BRF1: variants seen among roughly 807,000 people sequenced by gnomAD.
BRF1 encodes BRF1 general transcription factor IIIB subunit.
In BRF1, 59 loss-of-function variants were observed where a neutral mutation model predicts 81.7. That is an observed-to-expected ratio of 0.72 (90% CI 0.59 to 0.90). The LOEUF (loss-of-function observed/expected upper bound fraction) is 0.90, where lower values mean the gene tolerates loss of function less well. Among genes scored for constraint, BRF1 ranks in the 40% least tolerant of loss-of-function variants. BRF1 has a pLI of 0.00. For synonymous variants in BRF1, 491 were observed against 395.6 expected, an observed-to-expected ratio of 1.24 and a Z score of -2.86; for missense variants, 1,050 against 936.3, an observed-to-expected ratio of 1.12 and a Z score of -1.58.
At position 105,209,903 on chromosome 14, in the gene BRF1, C is replaced by A. The variant is rs1466989622; in HGVS notation, c.*648G>T. ...CCCATGCTGCTCCAGGCGGTGCAGG[C>A]AGCGGGGAGGGGGGTCTGGAGGAGG... is the stretch of plus-strand genomic sequence containing the variant. On this transcript the variant is annotated 3_prime_UTR_variant, in exon 18 of 18. Coordinates refer to ENST00000547530, the MANE Select transcript of BRF1 (RefSeq NM_001519.4). The A allele has an allele frequency of 2.6e-6, 1 of 384,716 alleles. No individual in the cohort carries two copies. Among genetic ancestry groups the A allele is most frequent in the East Asian group, 3.9e-5 (1 of 25,356 alleles). The allele number at this position is 384,716 out of a possible 1,614,324, so 23.8% of individuals were successfully genotyped here.
intron 1 of BRF1, among the ~76,000 whole-genome samples, chr14:105,293,387 A>G (rs111867741): frequency 1.3e-5 from 2 of 152,210 alleles, no homozygotes; most frequent in African/African-American, 4.8e-5. Flanking sequence ...CTGTGAAGCC[A>G]CTGAAAGTTG....
At chr14:105,313,214 G>A (rs116735128) in intron 1 of BRF1, among the ~76,000 whole-genome samples, 2,068 of 152,316 alleles carry the variant, frequency 0.014, 50 homozygotes, top group African/African-American at 0.047. Context: ...GCAACTGCAC[G>A]CTCGCCAGGT....
intron 5 of BRF1, among the ~76,000 whole-genome samples, chr14:105,246,325 T>C (rs1404675353): frequency 2.0e-5 from 3 of 151,948 alleles, no homozygotes; most frequent in Non-Finnish European, 2.9e-5. Context: ...ATCAGGGACA[T>C]GCAAATCAAA....
Position 105,219,164 on chromosome 14 carries a change from C to T in BRF1, c.1446G>A (p.Leu482=). ...ELWMRENAEY[L]REQREKEARI... ...GGTGGCGCTTACCCCTCTGTTCCCG[C>T]AGGTACTCGGCGTTCTCCCTCATCC... is the stretch of plus-strand genomic sequence containing the variant. The change falls in exon 13 of 18, where the codon CTG becomes CTA. Residue 482 remains leucine (L), a synonymous_variant. Transcript: ENST00000547530. 6.2e-7 allele frequency: 1 copy of T among 1,612,378 alleles called. No individual in the cohort carries two copies. The highest frequency in any genetic ancestry group is 8.5e-7 in the Non-Finnish European group (1 of 1,178,688).
chr14:105,249,823 G>A (rs752728636), intron 5 of BRF1: 1 of 1,613,566 alleles, frequency 6.2e-7, no homozygotes, highest in Non-Finnish European at 8.5e-7. Flanking sequence ...AGCCCGAGCT[G>A]ACGCAGCGCT....
chr14:105,258,977 C>T (rs902163246), intron 3 of BRF1, among the ~76,000 whole-genome samples: 3 of 152,136 alleles, frequency 2.0e-5, no homozygotes, highest in South Asian at 2.1e-4. Flanking sequence ...CACGAGCCCG[C>T]GACGTCACTG....
At chr14:105,220,327 G>A (rs1260984889) in intron 11 of BRF1, among the ~76,000 whole-genome samples, 197 bp from the exon 12 acceptor site, 2 of 152,052 alleles carry the variant, frequency 1.3e-5, no homozygotes, top group African/African-American at 4.8e-5. Context: ...AGGACACTAA[G>A]CGAAGCCAGC....
upstream of BRF1, among the ~76,000 whole-genome samples, chr14:105,304,472 G>A (rs909344577): frequency 3.3e-5 from 5 of 152,028 alleles, no homozygotes; most frequent in Admixed American, 6.6e-5. Context: ...TGGACGACAA[G>A]AGTGAAACTC....
chr14:105,253,039 C>T (rs960358995), intron 4 of BRF1, among the ~76,000 whole-genome samples: 48 of 152,246 alleles, frequency 3.2e-4, no homozygotes, highest in African/African-American at 1.2e-3. Flanking sequence ...CCCCTGCCCC[C>T]CACACTGTTC....
intron 12 of BRF1, chr14:105,219,540 G>A: frequency 3.8e-6 from 2 of 523,400 alleles, no homozygotes; most frequent in Non-Finnish European, 6.7e-6. Flanking sequence ...CCACAAAGGG[G>A]CCAAGTGAGG....
intron 10 of BRF1, among the ~76,000 whole-genome samples, chr14:105,224,359 C>G (rs1276669657): frequency 6.6e-6 from 1 of 152,072 alleles, no homozygotes; most frequent in Non-Finnish European, 1.5e-5. Context: ...ACAGAGTGAG[C>G]CTGTCTCCAA....
At position 105,269,035 on chromosome 14, in the gene BRF1, T is replaced by C. The variant is rs898731080; in HGVS notation, c.439+3686A>G. Among the ~76,000 whole-genome samples the C allele has an allele frequency of 8.5e-5, 13 of 152,078 alleles. No individual in the cohort carries two copies. Among genetic ancestry groups the C allele is most frequent in the African/African-American group, 2.4e-4 (10 of 41,428 alleles). On this transcript the variant is annotated intron_variant, in intron 3 of 17. Coordinates refer to ENST00000547530, the MANE Select transcript of BRF1 (RefSeq NM_001519.4). The surrounding 1 kb of genome is among the most constrained non-coding windows in gnomAD (Gnocchi z 5.0). The stretch of plus-strand genomic sequence containing the variant: ...AGGCGAGGACAGTGGCCAGAGCCAA[T>C]GCAGGTCAGCAGGGAGGGAGAAGGC...
At chr14:105,219,412 G>T in intron 12 of BRF1, 180 bp from the exon 13 acceptor site, 1 of 1,365,356 alleles carries the variant, frequency 7.3e-7, no homozygotes, top group Non-Finnish European at 9.7e-7. Context: ...GGGACCTGTT[G>T]CTCTGTGGCC....
chr14:105,267,458 C>T (rs2056468504), intron 3 of BRF1, among the ~76,000 whole-genome samples: 1 of 149,708 alleles, frequency 6.7e-6, no homozygotes. Flanking sequence ...TACACACCAC[C>T]AGCTGGATTT....
chr14:105,247,728 T>C (rs2055216728), intron 5 of BRF1: 1 of 985,364 alleles, frequency 1.0e-6, no homozygotes, highest in African/African-American at 1.7e-5. Flanking sequence ...GTCCAGGAGG[T>C]TGCGTGTGTG....
intron 5 of BRF1, chr14:105,248,604 G>T (rs1437574372): frequency 3.1e-6 from 3 of 973,254 alleles, no homozygotes; most frequent in Non-Finnish European, 3.6e-6. Context: ...CGCCCCCCGC[G>T]GCCGGGCCTG....
Position 105,212,138 on chromosome 14 carries a change from G to T in BRF1, c.1799C>A (p.Pro600Gln). Residue 600 changes from proline (P) to glutamine (Q), a missense_variant, in exon 16 of 18, where the codon CCA becomes CAA. Transcript: ENST00000547530. Reference protein sequence around the residue: ...KRLRPLVSTQPAKKVATGEAL... With the variant: ...KRLRPLVSTQQAKKVATGEAL... ...CTCTCCCGTGGCCACCTTCTTTGCT[G>T]GCTGCGTAGACACCAGAGGCCTCAA... is the stretch of plus-strand genomic sequence containing the variant. 6.2e-7 allele frequency: 1 copy of T among 1,612,820 alleles called. No homozygotes were observed. The highest frequency in any genetic ancestry group is 1.3e-5 in the African/African-American group (1 of 75,058).
In BRF1 at chr14:105,217,568, T is replaced by A. The variant is rs1891541278; in HGVS notation, c.1748A>T (p.Asp583Val). The part of the protein sequence containing the change: ...RRTPASRSGA[D>V]PVTSVGKRLR... Reference sequence around the variant, plus strand: ...CCTTTTCCCCACACTGGTCACAGGGTCAGCCCCACTTCTGCTGGCCGGCGT... The same window carrying A: ...CCTTTTCCCCACACTGGTCACAGGGACAGCCCCACTTCTGCTGGCCGGCGT... Residue 583 changes from aspartate to valine, a missense_variant, in exon 15 of 18, where the codon GAC becomes GTC. By Grantham distance (152) the Asp-to-Val change is radical. This residue lies in a region of BRF1 where 1,043 missense variants were observed against 915.4 expected (regional missense o/e 1.14). Transcript: ENST00000547530. 6.2e-7 allele frequency: 1 copy of A among 1,613,450 alleles called. No homozygotes were observed. Among genetic ancestry groups the A allele is most frequent in the Admixed American group, 1.7e-5 (1 of 60,028 alleles).
At position 105,226,091 on chromosome 14, in the gene BRF1, G is replaced by A. The variant is rs945905185; in HGVS notation, c.1026C>T (p.Gly342=). The A allele has an allele frequency of 6.2e-7, 1 of 1,613,856 alleles. No homozygotes were observed. Among genetic ancestry groups the A allele is most frequent in the Non-Finnish European group, 8.5e-7 (1 of 1,180,006 alleles). Residue 342 remains glycine (G), a synonymous_variant, in exon 10 of 18, where the codon GGC becomes GGT. Coordinates refer to ENST00000547530, the MANE Select transcript of BRF1 (RefSeq NM_001519.4). The part of the protein sequence containing the change: ...LENSRPKAKG[G]LASLAKDGST... ...CACCATCTTTTGCCAGGCTGGCCAG[G>A]CCCCCCTTGGCCTTTGGCCGGCTGT...
Sources: allele counts gnomAD v4.1 joint callset (sites outside exome capture counted in the v4.1 genomes callset), GRCh38; gene constraint gnomAD v4.1.1; regional missense constraint gnomAD v4.1.1; non-coding constraint Gnocchi (gnomAD v3.1); transcripts MANE v1.5; gene names NCBI Gene and HGNC (gene_info 2026-07-23, HGNC 2026-07-21).